The following XPO6 variants were observed in gnomAD, a reference collection of about 807,000 sequenced individuals.
XPO6 encodes the protein exportin 6.
A neutral mutation model predicts 130.0 loss-of-function variants in XPO6; 3 were observed. That is an observed-to-expected ratio of 0.02 (90% CI 0.01 to 0.06). XPO6 has a LOEUF of 0.06. XPO6 is among the 10% of genes least tolerant of loss of function. The pLI is 1.00. For synonymous variants in XPO6, 524 were observed against 548.9 expected, an observed-to-expected ratio of 0.95 and a Z score of 0.63; for missense variants, 970 against 1,393.0, an observed-to-expected ratio of 0.70 and a Z score of 4.83.
chr16:28,121,854 G>A, intron 13 of XPO6, 92 bp from the exon 14 acceptor site: 3 of 791,108 alleles, frequency 3.8e-6, no homozygotes, highest in Admixed American at 2.1e-5. Flanking sequence ...AGAGCGTAAG[G>A]GCAGACTTTT....
At chr16:28,189,094 C>T (rs2043743617) in intron 1 of XPO6, among the ~76,000 whole-genome samples, 2 of 151,908 alleles carry the variant, frequency 1.3e-5, no homozygotes, top group Non-Finnish European at 2.9e-5. Flanking sequence ...CACAGCTGCA[C>T]ACCACCACAT....
At chr16:28,182,416 A>G (rs995268625) in intron 1 of XPO6, among the ~76,000 whole-genome samples, 7 of 152,198 alleles carry the variant, frequency 4.6e-5, no homozygotes, top group Non-Finnish European at 8.8e-5. Context: ...CTCACTACAC[A>G]GAACACAGGG....
At chr16:28,210,091 T>C (rs2044101694) in intron 1 of XPO6, among the ~76,000 whole-genome samples, 1 of 152,326 alleles carries the variant, frequency 6.6e-6, no homozygotes, top group Non-Finnish European at 1.5e-5. Flanking sequence ...AACGTGCCAC[T>C]GCACTCCAGC....
At chr16:28,166,769 C>T in intron 5 of XPO6, 184 bp from the exon 6 acceptor site, 1 of 985,468 alleles carries the variant, frequency 1.0e-6, no homozygotes, top group Non-Finnish European at 1.2e-6. Context: ...TGGCTCTCCA[C>T]TGCTTCACTG....
chr16:28,192,537 G>A (rs988596693), intron 1 of XPO6, among the ~76,000 whole-genome samples: 9 of 152,138 alleles, frequency 5.9e-5, no homozygotes, highest in Non-Finnish European at 1.2e-4. Flanking sequence ...AAGGAAGGTA[G>A]GACACAGCTA....
At chr16:28,171,165 T>C (rs1185193657) in intron 4 of XPO6, among the ~76,000 whole-genome samples, 1 of 151,996 alleles carries the variant, frequency 6.6e-6, no homozygotes, top group Non-Finnish European at 1.5e-5. Flanking sequence ...CTTTATATTC[T>C]TCACTTCAAG....
chr16:28,162,161 G>A (rs1225245945), intron 6 of XPO6, among the ~76,000 whole-genome samples: 2 of 152,212 alleles, frequency 1.3e-5, no homozygotes, highest in Admixed American at 6.5e-5. Flanking sequence ...GCAGGACCAT[G>A]GTCATGGAAG....
chr16:28,150,660 T>C (rs746833805), intron 8 of XPO6, among the ~76,000 whole-genome samples: 1 of 152,168 alleles, frequency 6.6e-6, no homozygotes, highest in South Asian at 2.1e-4. Flanking sequence ...CCATTTTACA[T>C]AGAGAGTGAA....
At chr16:28,160,850 A>G (rs2043267329) in intron 6 of XPO6, among the ~76,000 whole-genome samples, 1 of 152,246 alleles carries the variant, frequency 6.6e-6, no homozygotes, top group African/African-American at 2.4e-5. Flanking sequence ...ATTTAATTAC[A>G]AAGCCATCAT....
At chr16:28,169,289 A>C (rs2043412420) in intron 5 of XPO6, among the ~76,000 whole-genome samples, 1 of 152,218 alleles carries the variant, frequency 6.6e-6, no homozygotes, top group Non-Finnish European at 1.5e-5. Context: ...CAAACAGAAA[A>C]GACAAAATGC....
chr16:28,164,186 G>A (rs2043321021), intron 6 of XPO6, among the ~76,000 whole-genome samples: 2 of 152,228 alleles, frequency 1.3e-5, no homozygotes, highest in Non-Finnish European at 2.9e-5. Flanking sequence ...GGGCAGGAGA[G>A]CCCCACAGGG....
At chr16:28,203,056 A>G (rs1438782048) in intron 1 of XPO6, among the ~76,000 whole-genome samples, 1 of 152,186 alleles carries the variant, frequency 6.6e-6, no homozygotes, top group Non-Finnish European at 1.5e-5. Context: ...CCGGAGGATC[A>G]CTTGAGCCCA....
At position 28,132,634 on chromosome 16, in the gene XPO6, T is replaced by G. The variant is rs2042694093; in HGVS notation, c.1537-231A>C. 7.0e-6 allele frequency among the ~76,000 whole-genome samples: 1 copy of G among 143,706 alleles called. No individual in the cohort carries two copies. The highest frequency in any genetic ancestry group is 7.1e-5 in the Admixed American group (1 of 14,066). The allele number at this position is 143,706 out of a possible 152,430, so 94.3% of individuals were successfully genotyped here. On this transcript the variant is annotated intron_variant, in intron 11 of 23. Coordinates refer to ENST00000304658, the MANE Select transcript of XPO6 (RefSeq NM_015171.4). This position sits in a 1 kb window ranked among gnomAD's most constrained non-coding sequence, Gnocchi z 4.0. ...AATACACAGAATAAGAAAGAAAACGTATTAGTTCAACCCTTTTTTTAAAAA... is the reference window on the plus strand; with the variant it reads ...AATACACAGAATAAGAAAGAAAACGGATTAGTTCAACCCTTTTTTTAAAAA...
chr16:28,127,652 T>C (rs2042586917), intron 12 of XPO6, among the ~76,000 whole-genome samples: 1 of 151,908 alleles, frequency 6.6e-6, no homozygotes, highest in Non-Finnish European at 1.5e-5. Context: ...ACGTGGCAAA[T>C]GAAGTAGCAG....
At chr16:28,207,918 GTGGAT>G (rs1180478870) in intron 1 of XPO6, among the ~76,000 whole-genome samples, 1 of 152,210 alleles carries the variant, frequency 6.6e-6, no homozygotes, top group Non-Finnish European at 1.5e-5. Context: ...GCCAAGGCGA[GTGGAT>G]CACCTGAGGT....
chr16:28,167,225 G>A (rs183649767), intron 5 of XPO6: 1 of 985,264 alleles, frequency 1.0e-6, no homozygotes, highest in Non-Finnish European at 1.2e-6. Flanking sequence ...AACAAGGCAA[G>A]GCAGTAACAG....
intron 11 of XPO6, among the ~76,000 whole-genome samples, chr16:28,133,068 G>A (rs2141286453): frequency 6.6e-6 from 1 of 152,336 alleles, no homozygotes; most frequent in South Asian, 2.1e-4. Context: ...CAGGGGCGGT[G>A]GCTCACGCCT....
At chr16:28,103,879 T>A (rs2086711126) in intron 21 of XPO6, among the ~76,000 whole-genome samples, 1 of 152,078 alleles carries the variant, frequency 6.6e-6, no homozygotes, top group African/African-American at 2.4e-5. Flanking sequence ...TGCTTCCCCA[T>A]GAGGAAAAGC....
At chr16:28,100,123 G>A (rs935377081) in intron 23 of XPO6, among the ~76,000 whole-genome samples, 4 of 152,124 alleles carry the variant, frequency 2.6e-5, no homozygotes. Context: ...AAGCAGCTGG[G>A]ATTACAGGCG....
Sources: allele counts gnomAD v4.1 joint callset (sites outside exome capture counted in the v4.1 genomes callset), GRCh38; gene constraint gnomAD v4.1.1; non-coding constraint Gnocchi (gnomAD v3.1); transcripts MANE v1.5; gene names NCBI Gene and HGNC (gene_info 2026-07-23, HGNC 2026-07-21).